Variants in HMCN1 observed in about 807,000 individuals in gnomAD.
The protein encoded by HMCN1 is hemicentin-1.
In HMCN1, 321 loss-of-function variants were observed where a neutral mutation model predicts 625.9. The ratio of observed to expected loss-of-function variants is 0.51; its 90% CI spans 0.47 to 0.56. The LOEUF is 0.56. HMCN1 is among the 20% of genes least tolerant of loss of function. The pLI, the probability that HMCN1 is intolerant of heterozygous loss-of-function variation, is 0.00. For missense variants in HMCN1, 6,588 were observed against 6,887.3 expected (o/e 0.96, Z 1.54); for synonymous variants, 2,425 against 2,417.6 (o/e 1.00, Z -0.09).
chr1:185,769,770 G>A (rs1252719798), intron 1 of HMCN1, among the ~76,000 whole-genome samples: 3 of 152,100 alleles, frequency 2.0e-5, no homozygotes, highest in African/African-American at 7.2e-5. Context: ...TGCTGAGTCA[G>A]GTAAGCCCTG....
chr1:185,961,748 T>C (rs1310047101), intron 11 of HMCN1, among the ~76,000 whole-genome samples: 1 of 152,206 alleles, frequency 6.6e-6, no homozygotes, highest in African/African-American at 2.4e-5. Flanking sequence ...GATTTAGTGT[T>C]CCATTTTCAA....
Position 185,911,911 on chromosome 1 carries a change from A to G in HMCN1, c.900+131A>G, listed in dbSNP as rs549924170. Reference sequence around the variant, plus strand: ...GAGTGCTTGTAATAAAAAGCAACGTACATAGGTGTTTGTAGGTGTCTTGAT... The same window carrying G: ...GAGTGCTTGTAATAAAAAGCAACGTGCATAGGTGTTTGTAGGTGTCTTGAT... On this transcript the variant is annotated intron_variant, in intron 6 of 106. Coordinates refer to ENST00000271588, the MANE Select transcript of HMCN1 (RefSeq NM_031935.3). 1.9e-4 allele frequency: 139 copies of G among 722,226 alleles called. No homozygotes were observed. In the African/African-American group the frequency reaches 2.4e-3, roughly 12 times the overall value. 44.7% of individuals were successfully genotyped at this position (722,226 alleles called of 1,614,324 possible).
chr1:186,003,917 TC>T, intron 29 of HMCN1, 73 bp downstream of exon 29: 5 of 1,415,686 alleles, frequency 3.5e-6, no homozygotes, highest in Non-Finnish European at 5.0e-6. Flanking sequence ...ATGTGGATTT[TC>T]TCCCTCTTAA....
intron 11 of HMCN1, among the ~76,000 whole-genome samples, chr1:185,956,064 G>A (rs1206963725): frequency 2.6e-5 from 4 of 152,132 alleles, no homozygotes; most frequent in South Asian, 2.1e-4. Flanking sequence ...ACTTAATCAC[G>A]TGTTTAGTCA....
rs1016367576 is a variant in HMCN1 at position 185,757,717 on chromosome 1, T to G, written c.268+22670T>G. 2.6e-5 allele frequency among the ~76,000 whole-genome samples: 4 copies of G among 152,296 alleles called. No homozygotes were observed. The East Asian group carries it at 5.8e-4, about 22-fold the overall frequency. On this transcript the variant is annotated intron_variant, in intron 1 of 106. Coordinates refer to ENST00000271588, the MANE Select transcript of HMCN1 (RefSeq NM_031935.3). ...CTTAATCAACTGATATATTTCTAAC[T>G]CTTTAAATAGTATCTGATACATGGG...
intron 4 of HMCN1, among the ~76,000 whole-genome samples, chr1:185,877,946 G>A (rs968322013): frequency 4.6e-5 from 7 of 151,822 alleles, no homozygotes; most frequent in Non-Finnish European, 8.8e-5. Flanking sequence ...GTCCCCATTG[G>A]TTCTCATTAT....
intron 1 of HMCN1, among the ~76,000 whole-genome samples, chr1:185,824,780 A>C (rs914449693): frequency 4.6e-5 from 7 of 152,172 alleles, no homozygotes; most frequent in African/African-American, 1.7e-4. Context: ...AACTAGCAAA[A>C]CCAGAACTGG....
intron 1 of HMCN1, among the ~76,000 whole-genome samples, chr1:185,783,524 G>T (rs1321331743): frequency 6.6e-6 from 1 of 152,088 alleles, no homozygotes; most frequent in Non-Finnish European, 1.5e-5. Flanking sequence ...TGGGGTTTTG[G>T]TGTGGATGTC....
intron 46 of HMCN1, among the ~76,000 whole-genome samples, chr1:186,057,954 G>C (rs1018110304): frequency 2.2e-4 from 34 of 151,986 alleles, no homozygotes; most frequent in African/African-American, 7.7e-4. Flanking sequence ...AGAGAGGCAA[G>C]CTGCAGAAAT....
intron 64 of HMCN1, among the ~76,000 whole-genome samples, chr1:186,091,536 T>C (rs145563149): frequency 9.8e-4 from 149 of 152,114 alleles, no homozygotes; most frequent in African/African-American, 3.3e-3. Context: ...ATAACTCTCA[T>C]AATGGTTTGT....
At chr1:186,040,566 T>C (rs1656137716) in intron 39 of HMCN1, among the ~76,000 whole-genome samples, 1 of 152,180 alleles carries the variant, frequency 6.6e-6, no homozygotes, top group Non-Finnish European at 1.5e-5. Flanking sequence ...ATTTTAGAAA[T>C]ACAACTGAAT....
chr1:185,792,999 C>A (rs570184488), intron 1 of HMCN1, among the ~76,000 whole-genome samples: 2 of 152,242 alleles, frequency 1.3e-5, no homozygotes, highest in African/African-American at 4.8e-5. Context: ...GAGGAGCCAG[C>A]ATTTCATTGG....
At chr1:185,870,940 A>G (rs1345733135) in intron 4 of HMCN1, among the ~76,000 whole-genome samples, 2 of 152,132 alleles carry the variant, frequency 1.3e-5, no homozygotes, top group African/African-American at 4.8e-5. Flanking sequence ...GAGGTGTTCC[A>G]TAAAAGTCAG....
intron 1 of HMCN1, among the ~76,000 whole-genome samples, chr1:185,791,472 C>A (rs369250257): frequency 2.6e-5 from 4 of 152,174 alleles, no homozygotes; most frequent in East Asian, 3.9e-4. Context: ...GTAATCCCAG[C>A]TCTTTGGGAG....
chr1:185,916,926 A>G (rs1298900116), intron 6 of HMCN1, among the ~76,000 whole-genome samples: 34 of 152,134 alleles, frequency 2.2e-4, no homozygotes, highest in Admixed American at 2.2e-3. Flanking sequence ...AGGATGTGGC[A>G]TTGAATAAAT....
At chr1:186,095,129 G>T in intron 67 of HMCN1, 114 bp from the exon 68 acceptor site, 2 of 1,028,646 alleles carry the variant, frequency 1.9e-6, no homozygotes, top group Non-Finnish European at 1.5e-6. Context: ...CAATTTTAAA[G>T]TATATATTTT....
intron 41 of HMCN1, among the ~76,000 whole-genome samples, chr1:186,047,063 T>G (rs941783880): frequency 2.6e-5 from 4 of 152,032 alleles, no homozygotes; most frequent in African/African-American, 9.7e-5. Flanking sequence ...GAGAAATAGA[T>G]GACGGGCAGT....
intron 4 of HMCN1, among the ~76,000 whole-genome samples, chr1:185,881,589 G>C (rs952622963): frequency 2.0e-5 from 3 of 152,160 alleles, no homozygotes; most frequent in Non-Finnish European, 4.4e-5. Context: ...CTCACTTTGG[G>C]CTGTGGTTTC....
At chr1:186,164,304 A>G (rs913549341) in intron 97 of HMCN1, among the ~76,000 whole-genome samples, 4 of 148,244 alleles carry the variant, frequency 2.7e-5, no homozygotes, top group South Asian at 2.1e-4. Context: ...CAGTGACGCA[A>G]TCTCGGCTCA....
Sources: gnomAD v4.1 joint callset for allele counts (sites outside exome capture counted in the v4.1 genomes callset) on GRCh38, gnomAD v4.1.1 for gene constraint, MANE v1.5 for transcripts, NCBI Gene and HGNC (gene_info 2026-07-23, HGNC 2026-07-21) for gene names.